The following RBFOX1 variants were observed in gnomAD, a reference collection of about 807,000 sequenced individuals.
The protein encoded by RBFOX1 is RNA binding fox-1 homolog 1.
In RBFOX1, 8 loss-of-function variants were observed where a neutral mutation model predicts 57.7. That is an observed-to-expected ratio of 0.14 (90% CI 0.08 to 0.25). The LOEUF (loss-of-function observed/expected upper bound fraction) is 0.25. RBFOX1 is among the 10% of genes least tolerant of loss of function. The pLI is 1.00. For missense variants in RBFOX1, 611 were observed against 548.5 expected, an observed-to-expected ratio of 1.11 and a Z score of -1.14; for synonymous variants, 326 against 222.4, an observed-to-expected ratio of 1.47 and a Z score of -4.15.
At chr16:7,676,108 C>G (rs1358856809) in intron 13 of RBFOX1, among the ~76,000 whole-genome samples, 2 of 152,136 alleles carry the variant, frequency 1.3e-5, no homozygotes, top group Non-Finnish European at 2.9e-5. Flanking sequence ...AATTAGAAGA[C>G]TATCATATTT....
rs183802580 is a variant in RBFOX1, at chr16:7,010,880, A to G, written c.-15-41177A>G. Among the ~76,000 whole-genome samples the G allele has an allele frequency of 1.7e-3, 266 of 152,278 alleles. 2 individuals carry two copies. Among genetic ancestry groups the G allele is most frequent in the African/African-American group, 6.1e-3 (255 of 41,560 alleles). On this transcript the variant is annotated intron_variant, in intron 3 of 15. Transcript: ENST00000550418. The stretch of plus-strand genomic sequence containing the variant: ...GCATGAGCCACTGCTCCCGGCCCAC[A>G]TCTCTTTTCTTGAGCAGAAGATAGT...
At chr16:6,957,637 T>A (rs1253911165) in intron 3 of RBFOX1, among the ~76,000 whole-genome samples, 1 of 152,086 alleles carries the variant, frequency 6.6e-6, no homozygotes, top group East Asian at 1.9e-4. Context: ...ATGACCCGTA[T>A]CTTGTGCCGA....
At chr16:6,654,035 G>A (rs933595560) in intron 2 of RBFOX1, among the ~76,000 whole-genome samples, 1 of 151,466 alleles carries the variant, frequency 6.6e-6, no homozygotes, top group African/African-American at 2.4e-5. Flanking sequence ...TCAATGAATG[G>A]ATAGATGGGT....
intron 4 of RBFOX1, among the ~76,000 whole-genome samples, chr16:7,452,473 T>C (rs1449336834): frequency 6.6e-6 from 1 of 152,204 alleles, no homozygotes; most frequent in Non-Finnish European, 1.5e-5. Context: ...AATGCTTGTC[T>C]TTCCCATTAC....
At chr16:5,575,212 C>A (rs1329722210) in intron 2 of RBFOX1, among the ~76,000 whole-genome samples, 1 of 152,164 alleles carries the variant, frequency 6.6e-6, no homozygotes, top group South Asian at 2.1e-4. Flanking sequence ...TAGTTTGTTT[C>A]TTAATTTTAA....
intron 4 of RBFOX1, among the ~76,000 whole-genome samples, chr16:7,213,507 A>G (rs185500361): frequency 6.6e-6 from 1 of 152,230 alleles, no homozygotes; most frequent in Non-Finnish European, 1.5e-5. Context: ...AGTATTTAGT[A>G]AAGATGTGGT....
intron 3 of RBFOX1, among the ~76,000 whole-genome samples, chr16:6,769,245 C>G (rs1246791680): frequency 6.6e-6 from 1 of 152,136 alleles, no homozygotes; most frequent in Non-Finnish European, 1.5e-5. Flanking sequence ...CTTTCTTTGC[C>G]TGCTGCCATC....
intron 4 of RBFOX1, among the ~76,000 whole-genome samples, chr16:7,208,665 A>G (rs773767562): frequency 3.9e-5 from 6 of 152,070 alleles, no homozygotes; most frequent in African/African-American, 1.4e-4. Context: ...GCAAGACCGT[A>G]TCTCAACAAA....
chr16:6,730,695 C>T (rs1227404956), intron 3 of RBFOX1, among the ~76,000 whole-genome samples: 1 of 152,198 alleles, frequency 6.6e-6, no homozygotes, highest in African/African-American at 2.4e-5. Context: ...TGAAATGCCA[C>T]TGTCCAAACG....
At chr16:5,749,883 G>A (rs888786251) in intron 3 of RBFOX1, among the ~76,000 whole-genome samples, 21 of 152,152 alleles carry the variant, frequency 1.4e-4, no homozygotes, top group Admixed American at 2.6e-4. Flanking sequence ...GTCATTCTCC[G>A]TCTAGCTTTT....
intron 3 of RBFOX1, among the ~76,000 whole-genome samples, chr16:6,723,517 G>T (rs1021957703): frequency 1.3e-5 from 2 of 152,176 alleles, no homozygotes; most frequent in Non-Finnish European, 2.9e-5. Context: ...GATTGTGTTT[G>T]TATGTGCATA....
chr16:6,935,432 C>A (rs541358671), intron 3 of RBFOX1, among the ~76,000 whole-genome samples: 24 of 152,242 alleles, frequency 1.6e-4, no homozygotes, highest in African/African-American at 4.6e-4. Flanking sequence ...AAATCTTTTT[C>A]TCTCTCTTCT....
intron 4 of RBFOX1, among the ~76,000 whole-genome samples, chr16:7,451,274 A>C (rs1208370343): frequency 6.6e-6 from 1 of 152,208 alleles, no homozygotes; most frequent in African/African-American, 2.4e-5. Flanking sequence ...CTATGTACTT[A>C]TTCTGTGCAA....
At chr16:6,645,482 G>A (rs2098526309) in intron 2 of RBFOX1, among the ~76,000 whole-genome samples, 1 of 152,084 alleles carries the variant, frequency 6.6e-6, no homozygotes, top group African/African-American at 2.4e-5. Flanking sequence ...CGGGATGCTG[G>A]CATCCTTGCA....
At chr16:7,613,121 A>G (rs1219534139) in intron 10 of RBFOX1, among the ~76,000 whole-genome samples, 1 of 152,178 alleles carries the variant, frequency 6.6e-6, no homozygotes, top group Non-Finnish European at 1.5e-5. Context: ...AAATAAGGAG[A>G]TGCAGAGTAG....
intron 1 of RBFOX1, among the ~76,000 whole-genome samples, chr16:5,265,184 C>T (rs1404206774): frequency 6.6e-6 from 1 of 152,040 alleles, no homozygotes; most frequent in Non-Finnish European, 1.5e-5. Flanking sequence ...CTGTAAAGAC[C>T]AGGTTATTTT....
chr16:6,709,891 A>G lies in RBFOX1; in HGVS notation c.-16+55241A>G, dbSNP rs372122817. Among the ~76,000 whole-genome samples, 13 of 152,000 alleles carry G rather than the reference A, an allele frequency of 8.6e-5. 1 individual carries two copies. The highest frequency in any genetic ancestry group is 2.6e-4 in the African/African-American group (11 of 41,542). ...GCTGGAGAGGGAACGGCCGGGGGCT[A>G]CTGGCCAGATGGATCGCTGTTCTAA... On this transcript the variant is annotated intron_variant, in intron 3 of 15. Coordinates refer to ENST00000550418, the MANE Select transcript of RBFOX1 (RefSeq NM_018723.4).
intron 5 of RBFOX1, among the ~76,000 whole-genome samples, chr16:7,540,067 C>T (rs1463460091): frequency 1.3e-5 from 2 of 152,196 alleles, no homozygotes; most frequent in African/African-American, 4.8e-5. Context: ...TCATGTATGT[C>T]ATTATTGCTA....
intron 4 of RBFOX1, among the ~76,000 whole-genome samples, chr16:7,106,370 G>C (rs905814586): frequency 2.0e-5 from 3 of 152,102 alleles, no homozygotes; most frequent in African/African-American, 4.8e-5. Context: ...TTGGCAAATG[G>C]AGTCAGATTG....
Sources: gnomAD v4.1 joint callset for allele counts (sites outside exome capture counted in the v4.1 genomes callset) on GRCh38, gnomAD v4.1.1 for gene constraint, MANE v1.5 for transcripts, NCBI Gene and HGNC (gene_info 2026-07-23, HGNC 2026-07-21) for gene names.